The following CNTN5 variants were observed in gnomAD, a reference collection of about 807,000 sequenced individuals.
CNTN5 encodes the protein contactin 5.
CNTN5 carries 77 observed loss-of-function variants against 129.1 expected under a neutral mutation model. That is an observed-to-expected ratio of 0.60 (90% CI 0.50 to 0.72). CNTN5 has a LOEUF of 0.72. Ranked by LOEUF, CNTN5 falls within the 30% of genes least tolerant of loss-of-function variation. CNTN5 has a pLI of 0.00. For missense variants in CNTN5, 1,478 were observed against 1,328.8 expected (o/e 1.11, Z -1.75); for synonymous variants, 509 against 465.6 (o/e 1.09, Z -1.20).
intron 1 of CNTN5, among the ~76,000 whole-genome samples, chr11:99,274,589 A>T (rs779227776): frequency 5.3e-5 from 8 of 151,550 alleles, no homozygotes; most frequent in Non-Finnish European, 8.9e-5. Context: ...TTATGCTTTC[A>T]TAACAGTGAG....
At chr11:99,924,073 A>C (rs1950004108) in intron 7 of CNTN5, among the ~76,000 whole-genome samples, 1 of 152,172 alleles carries the variant, frequency 6.6e-6, no homozygotes, top group Non-Finnish European at 1.5e-5. Flanking sequence ...TACAGACGTG[A>C]GCCGCCACAC....
chr11:100,332,309 C>G (rs187769850), intron 21 of CNTN5, among the ~76,000 whole-genome samples: 8 of 148,230 alleles, frequency 5.4e-5, no homozygotes, highest in Non-Finnish European at 1.2e-4. Context: ...CTGAACAGAC[C>G]AATAATGAGC....
intron 2 of CNTN5, among the ~76,000 whole-genome samples, chr11:99,518,675 T>C (rs1293407267): frequency 6.6e-6 from 1 of 152,128 alleles, no homozygotes; most frequent in Non-Finnish European, 1.5e-5. Flanking sequence ...TTCCATTGTT[T>C]CTTATTAAGA....
Position 99,647,041 on chromosome 11 carries a change from C to T in CNTN5, c.55+90772C>T, listed in dbSNP as rs562451473. The stretch of plus-strand genomic sequence containing the variant: ...ACAAGCTTATTAGTTTACATTAACC[C>T]CATTTGTTTGTTTCTGCTTTTATTG... On this transcript the variant is annotated intron_variant, in intron 3 of 24. Coordinates refer to ENST00000524871, the MANE Select transcript of CNTN5 (RefSeq NM_014361.4). Among the ~76,000 whole-genome samples, 12 of 142,338 alleles carry T rather than the reference C, an allele frequency of 8.4e-5. No homozygotes were observed. In the South Asian group the frequency reaches 1.4e-3, roughly 17 times the overall value. The allele number at this position is 142,338 out of a possible 152,430, so 93.4% of individuals were successfully genotyped here.
rs571561083 is a variant in CNTN5 at position 99,666,363 on chromosome 11, T to C, written c.55+110094T>C. 3.3e-5 allele frequency among the ~76,000 whole-genome samples: 5 copies of C among 152,310 alleles called. No individual in the cohort carries two copies. In the East Asian group the frequency reaches 9.6e-4, roughly 29 times the overall value. On this transcript the variant is annotated intron_variant, in intron 3 of 24. Coordinates refer to ENST00000524871, the MANE Select transcript of CNTN5 (RefSeq NM_014361.4). ...GGGAAGAACCAATGGGTTTGGTCTCTTCTTGACTTTTTAGCTGGAGAGTAG... is the reference window on the plus strand; with the variant it reads ...GGGAAGAACCAATGGGTTTGGTCTCCTCTTGACTTTTTAGCTGGAGAGTAG...
At chr11:99,826,722 G>A (rs938169782) in intron 4 of CNTN5, among the ~76,000 whole-genome samples, 1 of 152,170 alleles carries the variant, frequency 6.6e-6, no homozygotes, top group African/African-American at 2.4e-5. Context: ...AGTATGAATG[G>A]CTGCAATGAA....
intron 2 of CNTN5, among the ~76,000 whole-genome samples, chr11:99,545,007 T>C (rs1299233906): frequency 6.6e-6 from 1 of 152,226 alleles, no homozygotes; most frequent in East Asian, 1.9e-4. Context: ...TACAGATTCT[T>C]GTCACATTGT....
chr11:100,301,547 T>C (rs1212515255), intron 20 of CNTN5, among the ~76,000 whole-genome samples: 1 of 151,698 alleles, frequency 6.6e-6, no homozygotes, highest in African/African-American at 2.4e-5. Flanking sequence ...AAATTAAATC[T>C]GGATAGAGTC....
chr11:100,269,831 A>T (rs551164526), intron 17 of CNTN5, among the ~76,000 whole-genome samples: 1 of 152,294 alleles, frequency 6.6e-6, no homozygotes, highest in East Asian at 1.9e-4. Flanking sequence ...TGAAACAGTG[A>T]TGTTAAGTCC....
At chr11:99,482,297 A>G (rs1039744414) in intron 2 of CNTN5, among the ~76,000 whole-genome samples, 1 of 152,178 alleles carries the variant, frequency 6.6e-6, no homozygotes, top group African/African-American at 2.4e-5. Context: ...CAAGATACAC[A>G]TTTTTGAAAG....
chr11:99,086,739 G>C (rs1228473696), intron 1 of CNTN5, among the ~76,000 whole-genome samples: 1 of 152,162 alleles, frequency 6.6e-6, no homozygotes, highest in Non-Finnish European at 1.5e-5. Flanking sequence ...TATGAGATCT[G>C]TTTTGATGGA....
chr11:99,579,304 G>T (rs1949484264), intron 3 of CNTN5, among the ~76,000 whole-genome samples: 1 of 150,684 alleles, frequency 6.6e-6, no homozygotes, highest in Non-Finnish European at 1.5e-5. Context: ...GATTGACTTG[G>T]CGATGTGGGC....
intron 3 of CNTN5, among the ~76,000 whole-genome samples, chr11:99,745,591 G>C (rs1326412301): frequency 6.6e-6 from 1 of 152,022 alleles, no homozygotes; most frequent in African/African-American, 2.4e-5. Flanking sequence ...TTTTATTTAG[G>C]CTTAGATGCA....
chr11:99,471,826 C>A (rs1320231737), intron 2 of CNTN5, among the ~76,000 whole-genome samples: 1 of 152,022 alleles, frequency 6.6e-6, no homozygotes, highest in Non-Finnish European at 1.5e-5. Flanking sequence ...TCCCTTTTCC[C>A]AGAAAGATTA....
intron 15 of CNTN5, among the ~76,000 whole-genome samples, chr11:100,212,849 A>G (rs2138591632): frequency 6.6e-6 from 1 of 152,184 alleles, no homozygotes; most frequent in Non-Finnish European, 1.5e-5. Flanking sequence ...TTTAGGAGGG[A>G]TTACTGCTAG....
At chr11:100,336,924 C>G (rs1008591810) in intron 21 of CNTN5, 6 of 636,550 alleles carry the variant, frequency 9.4e-6, no homozygotes, top group African/African-American at 9.0e-5. Flanking sequence ...CATGCAGTCC[C>G]CGGTAGGCTT....
At chr11:99,465,707 A>T (rs1944905085) in intron 2 of CNTN5, among the ~76,000 whole-genome samples, 2 of 151,934 alleles carry the variant, frequency 1.3e-5, no homozygotes, top group Non-Finnish European at 2.9e-5. Flanking sequence ...GGGGTAATTT[A>T]TAAAGAAAAG....
At chr11:100,225,043 A>G in intron 16 of CNTN5, 1 of 339,358 alleles carries the variant, frequency 2.9e-6, no homozygotes, top group Non-Finnish European at 5.6e-6. Flanking sequence ...CACCTTTAGT[A>G]GTAAGTTGTC....
At chr11:99,473,708 A>C (rs745448892) in intron 2 of CNTN5, among the ~76,000 whole-genome samples, 19 of 152,210 alleles carry the variant, frequency 1.2e-4, no homozygotes, top group Non-Finnish European at 2.2e-4. Flanking sequence ...TAATTAAAGT[A>C]AAAGCACATT....
Sources: gnomAD v4.1 joint callset for allele counts (sites outside exome capture counted in the v4.1 genomes callset) on GRCh38, gnomAD v4.1.1 for gene constraint, MANE v1.5 for transcripts, NCBI Gene and HGNC (gene_info 2026-07-23, HGNC 2026-07-21) for gene names.